ERBB4: variants seen among roughly 807,000 people sequenced by gnomAD.
ERBB4 encodes receptor tyrosine-protein kinase erbB-4.
In ERBB4, 42 loss-of-function variants were observed where a neutral mutation model predicts 158.0. The observed-to-expected ratio is 0.27, with a 90% CI of 0.21 to 0.34. ERBB4 has a LOEUF of 0.34. ERBB4 is among the 10% of genes least tolerant of loss of function. The pLI, the probability that ERBB4 is intolerant of heterozygous loss-of-function variation, is 1.00. For missense variants in ERBB4, 1,333 were observed against 1,624.1 expected, an observed-to-expected ratio of 0.82 and a Z score of 3.08; for synonymous variants, 583 against 558.7, an observed-to-expected ratio of 1.04 and a Z score of -0.61.
At chr2:211,657,879 G>T in intron 15 of ERBB4, 51 bp from the exon 16 acceptor site, 1 of 1,598,440 alleles carries the variant, frequency 6.3e-7, no homozygotes, top group East Asian at 2.2e-5. Flanking sequence ...ACAGTGACAT[G>T]CACACACATG....
chr2:211,911,564 C>A (rs981251084), intron 3 of ERBB4, among the ~76,000 whole-genome samples: 1 of 152,154 alleles, frequency 6.6e-6, no homozygotes, highest in Non-Finnish European at 1.5e-5. Flanking sequence ...CCATGCCCAG[C>A]CTACTTTTCA....
intron 20 of ERBB4, among the ~76,000 whole-genome samples, chr2:211,541,366 C>T (rs750563954): frequency 2.6e-5 from 4 of 151,876 alleles, no homozygotes; most frequent in Admixed American, 2.6e-4. Context: ...GTTTTAAAGT[C>T]CCAGTCCTGG....
At chr2:211,905,226 G>C (rs1455463331) in intron 3 of ERBB4, among the ~76,000 whole-genome samples, 1 of 151,942 alleles carries the variant, frequency 6.6e-6, no homozygotes, top group East Asian at 1.9e-4. Context: ...AGCTTCTAGA[G>C]ACTGTCTGCA....
At chr2:212,167,408 A>C (rs2081380650) in intron 1 of ERBB4, among the ~76,000 whole-genome samples, 2 of 152,202 alleles carry the variant, frequency 1.3e-5, no homozygotes, top group African/African-American at 4.8e-5. Context: ...CATGCCACTC[A>C]GAATGCCAAT....
At chr2:212,449,038 T>C (rs951844911) in intron 1 of ERBB4, among the ~76,000 whole-genome samples, 1 of 152,130 alleles carries the variant, frequency 6.6e-6, no homozygotes, top group African/African-American at 2.4e-5. Flanking sequence ...TAAGCACAGA[T>C]TGTATGTGTG....
At chr2:211,926,840 C>A (rs2080032352) in intron 3 of ERBB4, among the ~76,000 whole-genome samples, 1 of 152,006 alleles carries the variant, frequency 6.6e-6, no homozygotes, top group Non-Finnish European at 1.5e-5. Flanking sequence ...ACCAGCATAC[C>A]AGATATTTCC....
chr2:211,943,484 A>G (rs963895158), intron 3 of ERBB4, among the ~76,000 whole-genome samples: 1 of 152,028 alleles, frequency 6.6e-6, no homozygotes, highest in African/African-American at 2.4e-5. Context: ...GACCTTCCCA[A>G]TGGCCTCAAG....
intron 1 of ERBB4, among the ~76,000 whole-genome samples, chr2:212,423,257 T>C (rs2091837769): frequency 6.6e-6 from 1 of 152,136 alleles, no homozygotes; most frequent in Non-Finnish European, 1.5e-5. Context: ...GAAAACACGT[T>C]ACAGTCACCA....
chr2:211,667,428 T>C, intron 14 of ERBB4, among the ~76,000 whole-genome samples: 1 of 148,730 alleles, frequency 6.7e-6, no homozygotes, highest in Non-Finnish European at 1.5e-5. Context: ...TATTTTGCTG[T>C]GAGGCTCAGA....
intron 1 of ERBB4, among the ~76,000 whole-genome samples, chr2:212,192,107 T>C (rs1415629610): frequency 3.0e-5 from 3 of 100,060 alleles, no homozygotes; most frequent in African/African-American, 7.3e-5. Context: ...AGTTATATAT[T>C]ATATATTATA....
intron 1 of ERBB4, among the ~76,000 whole-genome samples, chr2:212,476,744 A>C (rs1689424304): frequency 6.6e-6 from 1 of 152,098 alleles, no homozygotes; most frequent in South Asian, 2.1e-4. Flanking sequence ...AAGTTTTATA[A>C]CTATGCAACT....
intron 2 of ERBB4, among the ~76,000 whole-genome samples, chr2:212,014,325 A>T (rs1201763874): frequency 6.6e-6 from 1 of 152,230 alleles, no homozygotes; most frequent in Non-Finnish European, 1.5e-5. Flanking sequence ...ACTCCATTGC[A>T]AACTCTACTC....
chr2:212,346,553 A>C (rs529397830), intron 1 of ERBB4, among the ~76,000 whole-genome samples: 3 of 137,530 alleles, frequency 2.2e-5, no homozygotes, highest in African/African-American at 7.2e-5. Context: ...TTAATGTTTT[A>C]AAATATATTT....
chr2:211,658,442 T>C (rs6435651), intron 15 of ERBB4, among the ~76,000 whole-genome samples: 118,726 of 152,044 alleles, frequency 0.78, 47,038 homozygotes, highest in African/African-American at 0.84. Flanking sequence ...TGATGCTCAA[T>C]GCTCATTAAA....
At chr2:211,987,330 C>CAAAAAAAAAAAAAAA (rs564412801) in intron 2 of ERBB4, among the ~76,000 whole-genome samples, 33 of 56,178 alleles carry the variant, frequency 5.9e-4, no homozygotes, top group South Asian at 1.5e-3. Flanking sequence ...CAAGAAAAGA[C>CAAAAAAAAAAAAAAA]AAAAAAAAAA....
chr2:212,147,225 C>G (rs1318021277), intron 1 of ERBB4, among the ~76,000 whole-genome samples: 2 of 122,422 alleles, frequency 1.6e-5, no homozygotes, highest in African/African-American at 6.4e-5. Flanking sequence ...AGGCTGGTCT[C>G]GAACTCCTGT....
intron 2 of ERBB4, among the ~76,000 whole-genome samples, chr2:211,961,234 T>C (rs2081172945): frequency 6.6e-6 from 1 of 152,110 alleles, no homozygotes; most frequent in Admixed American, 6.6e-5. Context: ...TACCAGCTTT[T>C]CTTCAGACTT....
rs1491138840 is a variant in ERBB4, at chr2:212,192,007, A to ATATGTTATATGTTATATATGTTATATGTT, written c.83-67105_83-67104insAACATATAACATATATAACATATAACATA. Among the ~76,000 whole-genome samples, 16 of 99,124 alleles carry ATATGTTATATGTTATATATGTTATATGTT rather than the reference A, an allele frequency of 1.6e-4. 1 individual carries two copies. Among genetic ancestry groups the ATATGTTATATGTTATATATGTTATATGTT allele is most frequent in the Admixed American group, 5.3e-4 (5 of 9,460 alleles). The allele number at this position is 99,124 out of a possible 152,430, so 65.0% of individuals were successfully genotyped here. A position where few individuals can be genotyped will look rare whatever the true frequency, so the allele number is the denominator to read the frequency against. On this transcript the variant is annotated intron_variant, in intron 1 of 27. Coordinates refer to ENST00000342788, the MANE Select transcript of ERBB4 (RefSeq NM_005235.3). ...GTTATATGTTATATATGTTATATATAATATATGTTATATGTTATATATGTT... is the reference window on the plus strand; with the variant it reads ...GTTATATGTTATATATGTTATATATATATGTTATATGTTATATATGTTATATGTTATATATGTTATATGTTATATATGTT...
chr2:211,444,338 T>G (rs1452181893), intron 20 of ERBB4, among the ~76,000 whole-genome samples: 1 of 151,970 alleles, frequency 6.6e-6, no homozygotes, highest in Non-Finnish European at 1.5e-5. Flanking sequence ...TAGAACAAAA[T>G]TTAAGTACAT....
Sources: gnomAD v4.1 joint callset for allele counts (sites outside exome capture counted in the v4.1 genomes callset) on GRCh38, gnomAD v4.1.1 for gene constraint, MANE v1.5 for transcripts, NCBI Gene and HGNC (gene_info 2026-07-23, HGNC 2026-07-21) for gene names.